ARHGEF40: variants seen among roughly 807,000 people sequenced by gnomAD.
ARHGEF40 encodes the protein Rho guanine nucleotide exchange factor (GEF) 40.
ARHGEF40 carries 98 observed loss-of-function variants against 165.9 expected under a neutral mutation model. The ratio of observed to expected loss-of-function variants is 0.59; its 90% CI spans 0.50 to 0.70. The LOEUF (loss-of-function observed/expected upper bound fraction) is 0.70, where lower values mean the gene tolerates loss of function less well. ARHGEF40 is among the 30% of genes least tolerant of loss of function. The pLI is 0.00. For synonymous variants in ARHGEF40, 792 were observed against 814.3 expected (o/e 0.97, Z 0.47); for missense variants, 1,815 against 1,968.0 (o/e 0.92, Z 1.47).
chr14:21,067,006 T>C (rs373156087), upstream of ARHGEF40, among the ~76,000 whole-genome samples: 6 of 152,174 alleles, frequency 3.9e-5, no homozygotes. Flanking sequence ...GGTCCTTCAT[T>C]AATTCCCCCT....
chr14:21,082,617 G>A (rs1184420390), intron 15 of ARHGEF40, 139 bp downstream of exon 15: 4 of 1,145,582 alleles, frequency 3.5e-6, no homozygotes, highest in Non-Finnish European at 4.8e-6. Flanking sequence ...CTGTTCTGTG[G>A]GCACTTCTGC....
In ARHGEF40 at chr14:21,076,768, C is replaced by T; in HGVS notation, c.1918-6C>T. ...AGGAAGAAACCCCCTGCCTTACCCT[C>T]TACAGGGTGCTGAGGTGCTGTCAGA... On this transcript the variant is annotated splice_polypyrimidine_tract_variant and splice_region_variant and intron_variant, in intron 7 of 23. Transcript: ENST00000298694. The T allele has an allele frequency of 6.2e-7, 1 of 1,613,776 alleles. No individual in the cohort carries two copies. Among genetic ancestry groups the T allele is most frequent in the Non-Finnish European group, 8.5e-7 (1 of 1,179,712 alleles).
intron 13 of ARHGEF40, 67 bp downstream of exon 13, chr14:21,081,083 G>A (rs944809408): frequency 2.6e-6 from 4 of 1,549,514 alleles, no homozygotes; most frequent in Admixed American, 1.9e-5. Flanking sequence ...TCTGCCTGGA[G>A]AGGCTAATCA....
chr14:21,090,074 G>A lies in ARHGEF40; in HGVS notation c.*1066G>A, dbSNP rs1888694812. On this transcript the variant is annotated 3_prime_UTR_variant, in exon 24 of 24. Transcript: ENST00000298694. The surrounding 1 kb of genome is among the most constrained non-coding windows in gnomAD (Gnocchi z 4.4). ...GACATAGGTAGGCAGACAGACACAG[G>A]GCCCTGTGCCTCAAGACACCTGTTT... 3.1e-6 allele frequency: 1 copy of A among 325,268 alleles called. No individual in the cohort carries two copies. The highest frequency in any genetic ancestry group is 2.2e-5 in the African/African-American group (1 of 46,236). 20.1% of individuals were successfully genotyped at this position (325,268 alleles called of 1,614,324 possible).
In ARHGEF40 at chr14:21,079,128, C is replaced by T. The variant is rs944258498; in HGVS notation, c.2373+118C>T. 10 of 1,336,678 alleles carry T rather than the reference C, an allele frequency of 7.5e-6. No homozygotes were observed. The Admixed American group carries it at 2.4e-4, about 32-fold the overall frequency. The allele number at this position is 1,336,678 out of a possible 1,614,324, so 82.8% of individuals were successfully genotyped here. On this transcript the variant is annotated intron_variant, in intron 11 of 23. Transcript: ENST00000298694. Reference sequence around the variant, plus strand: ...TAGCCTGGCTTGGTTGAACGCCCCTCCCTCCTCCTCACATTTGTTGGTCAG... The same window carrying T: ...TAGCCTGGCTTGGTTGAACGCCCCTTCCTCCTCCTCACATTTGTTGGTCAG...
chr14:21,067,302 A>G (rs1886319367), upstream of ARHGEF40, among the ~76,000 whole-genome samples: 1 of 151,486 alleles, frequency 6.6e-6, no homozygotes, highest in South Asian at 2.1e-4. Context: ...TCTCTGACCC[A>G]CGGGGACATA....
upstream of ARHGEF40, among the ~76,000 whole-genome samples, chr14:21,066,847 A>G (rs575701972): frequency 6.6e-6 from 1 of 152,356 alleles, no homozygotes; most frequent in African/African-American, 2.4e-5. Context: ...AACCAATGAA[A>G]AATTAAACCA....
At position 21,072,799 on chromosome 14, in the gene ARHGEF40, C is replaced by T. The variant is rs1173288156; in HGVS notation, c.4-246C>T. Among the ~76,000 whole-genome samples the T allele has an allele frequency of 6.6e-6, 1 of 152,196 alleles. No individual in the cohort carries two copies. Among genetic ancestry groups the T allele is most frequent in the Non-Finnish European group, 1.5e-5 (1 of 68,030 alleles). ...TGATCAGGGGCATTCACAACAAATT[C>T]TCCCTGGATCTCCAAAGCCAAGGTC... On this transcript the variant is annotated intron_variant, in intron 1 of 23. Coordinates refer to ENST00000298694, the MANE Select transcript of ARHGEF40 (RefSeq NM_018071.5). The surrounding 1 kb of genome is among the most constrained non-coding windows in gnomAD (Gnocchi z 4.1).
chr14:21,075,310 G>A lies in ARHGEF40; in HGVS notation c.1451-22G>A, dbSNP rs543926430. On this transcript the variant is annotated intron_variant, in intron 3 of 23. Coordinates refer to ENST00000298694, the MANE Select transcript of ARHGEF40 (RefSeq NM_018071.5). The surrounding 1 kb of genome is among the most constrained non-coding windows in gnomAD (Gnocchi z 4.5). ...AGAACCATCTTAACTTCAGTCCCATGTTTCTGTCTGTGTCTGTGCAGGACA... is the reference window on the plus strand; with the variant it reads ...AGAACCATCTTAACTTCAGTCCCATATTTCTGTCTGTGTCTGTGCAGGACA... 6.2e-7 allele frequency: 1 copy of A among 1,613,124 alleles called. No homozygotes were observed. The highest frequency in any genetic ancestry group is 8.5e-7 in the Non-Finnish European group (1 of 1,179,704).
At chr14:21,070,124 A>C, upstream of ARHGEF40, 5 of 196,322 alleles carry the variant, frequency 2.5e-5, no homozygotes, top group Non-Finnish European at 3.0e-5. This position sits in a 1 kb window ranked among gnomAD's most constrained non-coding sequence, Gnocchi z 4.7. Flanking sequence ...CGCCCGGGGA[A>C]CGGCAGAGAT....
rs570634812 is a variant in ARHGEF40 at position 21,078,621 on chromosome 14, T to C, written c.2246+133T>C. The C allele has an allele frequency of 2.8e-4, 266 of 962,396 alleles. 1 individual carries two copies. The South Asian group carries it at 4.1e-3, about 15-fold the overall frequency. The allele number at this position is 962,396 out of a possible 1,614,324, so 59.6% of individuals were successfully genotyped here. On this transcript the variant is annotated intron_variant, in intron 10 of 23. Transcript: ENST00000298694. ...GGGCAAGATACTATGCTTTTACACT[T>C]ACTGTCTCATAACCCTCACAACATC...
At chr14:21,079,641 C>T (rs1022974576) in intron 11 of ARHGEF40, among the ~76,000 whole-genome samples, 3 of 152,148 alleles carry the variant, frequency 2.0e-5, no homozygotes, top group African/African-American at 4.8e-5. Context: ...TCCTTAGCCC[C>T]GAGCATGGTG....
upstream of ARHGEF40, among the ~76,000 whole-genome samples, chr14:21,066,388 C>T (rs7156211): frequency 0.9 from 135,339 of 150,020 alleles, 61,144 homozygotes; most frequent in Admixed American, 0.93. Flanking sequence ...GGCACGATCT[C>T]GGCTCACTGC....
chr14:21,084,615 C>T, intron 17 of ARHGEF40, 138 bp from the exon 18 acceptor site: 4 of 912,948 alleles, frequency 4.4e-6, no homozygotes, highest in Non-Finnish European at 6.5e-6. Context: ...GGACCCTAGG[C>T]TGAGGGCTTC....
upstream of ARHGEF40, among the ~76,000 whole-genome samples, chr14:21,067,900 G>A (rs949379154): frequency 1.3e-5 from 2 of 151,302 alleles, no homozygotes; most frequent in African/African-American, 2.4e-5. Context: ...TAAAACTCCT[G>A]GAAAGAAGGG....
At chr14:21,077,750 G>A (rs1047232097) in intron 8 of ARHGEF40, among the ~76,000 whole-genome samples, 4 of 152,160 alleles carry the variant, frequency 2.6e-5, no homozygotes, top group Non-Finnish European at 5.9e-5. Flanking sequence ...AAATAAACAT[G>A]ATCTGAGCTG....
At chr14:21,087,137 A>G (rs1450779989) in intron 20 of ARHGEF40, 32 bp downstream of exon 20, 8 of 1,604,606 alleles carry the variant, frequency 5.0e-6, no homozygotes, top group Non-Finnish European at 6.8e-6. Flanking sequence ...GGTGGCCCCC[A>G]GGAGTGAAGA....
At chr14:21,070,119 G>A (rs1886568582), upstream of ARHGEF40, among the ~76,000 whole-genome samples, 1 of 152,032 alleles carries the variant, frequency 6.6e-6, no homozygotes, top group Admixed American at 6.5e-5. This position sits in a 1 kb window ranked among gnomAD's most constrained non-coding sequence, Gnocchi z 4.7. Context: ...GGGGACGCCC[G>A]GGGAACGGCA....
rs1255379250 is a variant in ARHGEF40 at position 21,075,821 on chromosome 14, C to G, written c.1739+56C>G. 20 of 1,575,092 alleles carry G rather than the reference C, an allele frequency of 1.3e-5. No individual in the cohort carries two copies. In the Admixed American group the frequency reaches 3.5e-4, roughly 27 times the overall value. On this transcript the variant is annotated intron_variant, in intron 5 of 23. Coordinates refer to ENST00000298694, the MANE Select transcript of ARHGEF40 (RefSeq NM_018071.5). This position sits in a 1 kb window ranked among gnomAD's most constrained non-coding sequence, Gnocchi z 4.5. ...CACTAACCTCCTGATTCATGAGGAC[C>G]CTCACCTCCTTCTTCTCAGGACACT...
Sources: allele counts gnomAD v4.1 joint callset (sites outside exome capture counted in the v4.1 genomes callset), GRCh38; gene constraint gnomAD v4.1.1; non-coding constraint Gnocchi (gnomAD v3.1); transcripts MANE v1.5; gene names NCBI Gene and HGNC (gene_info 2026-07-23, HGNC 2026-07-21).